Variants in VPS13B observed in about 807,000 individuals in gnomAD.
VPS13B encodes intermembrane lipid transfer protein VPS13B.
In VPS13B, 285 loss-of-function variants were observed where a neutral mutation model predicts 426.4. That is an observed-to-expected ratio of 0.67 (90% CI 0.61 to 0.74). The LOEUF (loss-of-function observed/expected upper bound fraction) is 0.74, where lower values mean the gene tolerates loss of function less well. VPS13B is among the 30% of genes least tolerant of loss of function. The pLI is 0.00. For synonymous variants in VPS13B, 1,676 were observed against 1,676.4 expected (o/e 1.00, Z 0.01); for missense variants, 4,537 against 4,782.6 (o/e 0.95, Z 1.51).
intron 39 of VPS13B, among the ~76,000 whole-genome samples, chr8:99,736,299 G>A (rs555473801): frequency 1.6e-4 from 24 of 152,230 alleles, no homozygotes; most frequent in Admixed American, 3.3e-4. Context: ...TAGGCTGGGC[G>A]CGGTGGCTCT....
At chr8:99,270,131 C>CTTTTTTTTTTTTTGTT (rs1818504972) in intron 17 of VPS13B, among the ~76,000 whole-genome samples, 1 of 30,312 alleles carries the variant, frequency 3.3e-5, no homozygotes, top group African/African-American at 1.1e-4. Flanking sequence ...ATATAAGAAT[C>CTTTTTTTTTTTTTGTT]TTTTTTTTTT....
At position 99,014,179 on chromosome 8, in the gene VPS13B, G is replaced by A. The variant is rs140602855; in HGVS notation, c.147+244G>A. Among the ~76,000 whole-genome samples, 1,241 of 132,220 alleles carry A rather than the reference G, an allele frequency of 9.4e-3. 19 individuals are homozygous for A. Among genetic ancestry groups the A allele is most frequent in the African/African-American group, 0.033 (1,156 of 35,224 alleles). 86.7% of individuals were successfully genotyped at this position (132,220 alleles called of 152,430 possible). A position where few individuals can be genotyped will look rare whatever the true frequency, so the allele number is the denominator to read the frequency against. On this transcript the variant is annotated intron_variant, in intron 2 of 61. Coordinates refer to ENST00000357162, the MANE Select transcript of VPS13B (RefSeq NM_152564.5). The stretch of plus-strand genomic sequence containing the variant: ...GTCGCCCAAGCTGGAGTGCAGCTGC[G>A]TGATCTCGGCTCACTGCAACCTCCG...
At chr8:99,563,702 G>A (rs1825047690) in intron 31 of VPS13B, among the ~76,000 whole-genome samples, 1 of 152,110 alleles carries the variant, frequency 6.6e-6, no homozygotes, top group African/African-American at 2.4e-5. Flanking sequence ...AGTGTGGCAT[G>A]TTTTATCTGG....
intron 14 of VPS13B, 21 bp from the exon 15 acceptor site, chr8:99,156,528 G>A: frequency 6.2e-7 from 1 of 1,612,696 alleles, no homozygotes; most frequent in African/African-American, 1.3e-5. Context: ...AAAATATAAA[G>A]CGAACACTAT....
intron 43 of VPS13B, among the ~76,000 whole-genome samples, chr8:99,788,290 C>T (rs1812367198): frequency 6.7e-6 from 1 of 150,198 alleles, no homozygotes; most frequent in African/African-American, 2.4e-5. Context: ...TGGCACATAC[C>T]TGTAGTTCTA....
chr8:99,511,525 G>T lies in VPS13B; in HGVS notation c.4633+13G>T, dbSNP rs771515364. On this transcript the variant is annotated intron_variant, in intron 29 of 61. Transcript: ENST00000357162. ...CCAACTGTTGAAGGTATTGTCTTCTGATTTTTTTTGTCTGATTTTAAATAA... is the reference window on the plus strand; with the variant it reads ...CCAACTGTTGAAGGTATTGTCTTCTTATTTTTTTTGTCTGATTTTAAATAA... The T allele has an allele frequency of 3.1e-6, 5 of 1,605,424 alleles. No individual in the cohort carries two copies. In the African/African-American group the frequency reaches 6.7e-5, roughly 22 times the overall value.
intron 33 of VPS13B, among the ~76,000 whole-genome samples, chr8:99,615,099 AAC>A (rs1013710854): frequency 2.7e-5 from 4 of 150,404 alleles, no homozygotes; most frequent in Non-Finnish European, 5.9e-5. Flanking sequence ...CCTGGGGAAC[AAC>A]AGTGAAACTC....
chr8:99,516,787 C>CAAAAAAAAAAAA (rs528490868), intron 29 of VPS13B, among the ~76,000 whole-genome samples: 1 of 16,686 alleles, frequency 6.0e-5, no homozygotes. Context: ...GACCGTGTCT[C>CAAAAAAAAAAAA]AAAAAAAAAA....
In VPS13B at chr8:99,876,331, T is replaced by C. The variant is rs1326591170; in HGVS notation, c.*665T>C. 2 of 152,422 alleles carry C rather than the reference T, an allele frequency of 1.3e-5. No individual in the cohort carries two copies. The highest frequency in any genetic ancestry group is 4.9e-5 in the African/African-American group (2 of 41,092). 9.4% of individuals were successfully genotyped at this position (152,422 alleles called of 1,614,324 possible). ...TGAAAGCTGCTATGTGTATTTTCTC[T>C]GAAGTCTGCATTTTACTAAAATTTA... On this transcript the variant is annotated 3_prime_UTR_variant, in exon 62 of 62. Transcript: ENST00000357162.
intron 1 of VPS13B, 136 bp from the exon 2 acceptor site, chr8:99,013,624 G>C (rs1436405874): frequency 4.0e-6 from 3 of 742,636 alleles, no homozygotes; most frequent in Non-Finnish European, 6.8e-6. Context: ...CTGGGAGTCC[G>C]CTGGAGTTTT....
At chr8:99,734,122 A>G (rs1021728540) in intron 39 of VPS13B, among the ~76,000 whole-genome samples, 1 of 152,172 alleles carries the variant, frequency 6.6e-6, no homozygotes, top group Non-Finnish European at 1.5e-5. Flanking sequence ...TCATATAAAT[A>G]TAGTTTTTTT....
At position 99,779,133 on chromosome 8, in the gene VPS13B, G is replaced by A. The variant is rs151077038; in HGVS notation, c.7779+102G>A. ...TAATAAGTTCAACACAAACAAAAAT[G>A]TTAGAGAATGAAGAATTTGATGGGC... is the stretch of plus-strand genomic sequence containing the variant. On this transcript the variant is annotated intron_variant, in intron 42 of 61. Coordinates refer to ENST00000357162, the MANE Select transcript of VPS13B (RefSeq NM_152564.5). 1.3e-3 allele frequency: 1,525 copies of A among 1,154,562 alleles called. 11 individuals are homozygous for A. In the African/African-American group the frequency reaches 0.021, roughly 16 times the overall value. 71.5% of individuals were successfully genotyped at this position (1,154,562 alleles called of 1,614,324 possible). A position where few individuals can be genotyped will look rare whatever the true frequency, so the allele number is the denominator to read the frequency against.
chr8:99,448,985 T>C (rs1364886203), intron 23 of VPS13B, among the ~76,000 whole-genome samples: 1 of 152,234 alleles, frequency 6.6e-6, no homozygotes, highest in Non-Finnish European at 1.5e-5. Context: ...TAGCTCATTT[T>C]TGTTCAGTAA....
At chr8:99,818,133 T>G (rs1195445295) in intron 45 of VPS13B, among the ~76,000 whole-genome samples, 1 of 152,176 alleles carries the variant, frequency 6.6e-6, no homozygotes, top group Non-Finnish European at 1.5e-5. Flanking sequence ...GGTCTGTTAC[T>G]TTATCTCTTC....
chr8:99,611,175 A>G (rs1405337098), intron 33 of VPS13B, among the ~76,000 whole-genome samples: 2 of 152,202 alleles, frequency 1.3e-5, no homozygotes, highest in Non-Finnish European at 2.9e-5. Flanking sequence ...TGCTGCAAAC[A>G]TATGTAAGAA....
chr8:99,241,807 A>C (rs2132888505), intron 17 of VPS13B, among the ~76,000 whole-genome samples: 1 of 152,310 alleles, frequency 6.6e-6, no homozygotes, highest in East Asian at 1.9e-4. Flanking sequence ...TGATCACTAG[A>C]AAATTGATCT....
Position 99,170,178 on chromosome 8 carries a change from T to A in VPS13B, c.2333+15T>A. 6.2e-7 allele frequency: 1 copy of A among 1,611,754 alleles called. No homozygotes were observed. The highest frequency in any genetic ancestry group is 1.1e-5 in the South Asian group (1 of 91,008). On this transcript the variant is annotated intron_variant, in intron 16 of 61. Transcript: ENST00000357162. Reference sequence around the variant, plus strand: ...CCCACATGCTGGTAAGTCTTACATGTTAAAATGTGATTTATGTTAATTTCC... The same window carrying A: ...CCCACATGCTGGTAAGTCTTACATGATAAAATGTGATTTATGTTAATTTCC...
chr8:99,859,155 T>G, intron 56 of VPS13B, 149 bp from the exon 57 acceptor site: 1 of 970,422 alleles, frequency 1.0e-6, no homozygotes, highest in Non-Finnish European at 1.6e-6. Context: ...GAGAATGACT[T>G]ATTTCCCTTA....
intron 31 of VPS13B, among the ~76,000 whole-genome samples, chr8:99,563,990 C>T (rs1380323669): frequency 6.6e-6 from 1 of 152,144 alleles, no homozygotes; most frequent in Non-Finnish European, 1.5e-5. Flanking sequence ...AATGTGTTTA[C>T]TTCCCTGACC....
Sources: allele counts gnomAD v4.1 joint callset (sites outside exome capture counted in the v4.1 genomes callset), GRCh38; gene constraint gnomAD v4.1.1; transcripts MANE v1.5; gene names NCBI Gene and HGNC (gene_info 2026-07-23, HGNC 2026-07-21).